The following MESP1 variants were observed in gnomAD, a reference collection of about 807,000 sequenced individuals.
MESP1 encodes mesoderm posterior bHLH transcription factor 1.
MESP1 carries 22 observed loss-of-function variants against 15.2 expected under a neutral mutation model. The ratio of observed to expected loss-of-function variants is 1.45; its 90% CI spans 1.04 to 2.07. MESP1 has a LOEUF of 2.07. MESP1 is among the 30% of genes most tolerant of loss of function. The pLI, the probability that MESP1 is intolerant of heterozygous loss-of-function variation, is 0.00. For synonymous variants in MESP1, 216 were observed against 192.6 expected (o/e 1.12, Z -1.01); for missense variants, 484 against 411.9 (o/e 1.17, Z -1.51).
Position 89,751,034 on chromosome 15 carries a change from GGCGCGGGGGTCCCGGAGGGTGCCTGGCC to G in MESP1, c.170_197del (p.Arg57ProfsTer4). On this transcript the variant is annotated frameshift_variant, in exon 1 of 2. Coordinates refer to ENST00000300057, the MANE Select transcript of MESP1 (RefSeq NM_018670.4). LOFTEE classifies it high-confidence loss of function. ...GCGCGCCGCGCCTACCTACGGAGGG[GGCGCGGGGGTCCCGGAGGGTGCCTGGCC>G]GCGCGGGGCTCGCCACGGGGCTGTC... 1 of 1,323,900 alleles carries G rather than the reference GGCGCGGGGGTCCCGGAGGGTGCCTGGCC, an allele frequency of 7.6e-7. No homozygotes were observed. The allele number at this position is 1,323,900 out of a possible 1,614,324, so 82.0% of individuals were successfully genotyped here. A position where few individuals can be genotyped will look rare whatever the true frequency, so the allele number is the denominator to read the frequency against.
chr15:89,750,896 G>T lies in MESP1; in HGVS notation c.336C>A (p.Ser112=). The change falls in exon 1 of 2, where the codon TCC becomes TCA. Residue 112 remains serine (S), a synonymous_variant. Transcript: ENST00000300057. ...LHELRRFLPP[S]VAPAGQSLTK... ...TCAGGCTCTGGCCCGCGGGCGCCAC[G>T]GACGGCGGTAGAAAGCGGCGCAGCT... is the stretch of plus-strand genomic sequence containing the variant. 10 of 1,494,002 alleles carry T rather than the reference G, an allele frequency of 6.7e-6. No individual in the cohort carries two copies. The highest frequency in any genetic ancestry group is 8.9e-6 in the Non-Finnish European group (10 of 1,127,940). 92.5% of individuals were successfully genotyped at this position (1,494,002 alleles called of 1,614,324 possible).
the MESP1 span, chr15:89,743,774 C>T: frequency 4.8e-6 from 1 of 209,760 alleles, no homozygotes; most frequent in Non-Finnish European, 9.7e-6. Flanking sequence ...AGCCACTGTC[C>T]TCAGATGAGC....
At chr15:89,733,614 G>A in the MESP1 span, among the ~76,000 whole-genome samples, 487 of 152,100 alleles carry the variant, frequency 3.2e-3, 2 homozygotes, top group African/African-American at 0.011. Flanking sequence ...TGGAAATAGT[G>A]GCTTTATAAG....
chr15:89,737,089 C>T, the MESP1 span, among the ~76,000 whole-genome samples: 2 of 152,278 alleles, frequency 1.3e-5, no homozygotes, highest in Middle Eastern at 3.4e-3. Context: ...TCGCGCCCGG[C>T]CAAAGGGGAC....
chr15:89,740,857 T>C, the MESP1 span, among the ~76,000 whole-genome samples: 3 of 150,812 alleles, frequency 2.0e-5, no homozygotes, highest in African/African-American at 7.3e-5. Flanking sequence ...AGTGTTAAAT[T>C]GGCCGGGCGC....
chr15:89,743,314 C>T, the MESP1 span: 1 of 1,614,156 alleles, frequency 6.2e-7, no homozygotes. Context: ...GGAGAAGAAC[C>T]CAGAGAAGGA....
At chr15:89,734,028 T>C in the MESP1 span, among the ~76,000 whole-genome samples, 1 of 151,962 alleles carries the variant, frequency 6.6e-6, no homozygotes, top group Non-Finnish European at 1.5e-5. Flanking sequence ...CGCGCATGTG[T>C]GTACGTGTGT....
At chr15:89,733,796 C>T in the MESP1 span, among the ~76,000 whole-genome samples, 1 of 152,066 alleles carries the variant, frequency 6.6e-6, no homozygotes. Flanking sequence ...GAAATAAATT[C>T]CTTTGCTTTA....
chr15:89,743,363 C>G, the MESP1 span: 2 of 1,614,026 alleles, frequency 1.2e-6, no homozygotes. Flanking sequence ...TACTCCTTGT[C>G]GCTCCAGAGA....
chr15:89,740,871 G>A, the MESP1 span, among the ~76,000 whole-genome samples: 1 of 152,126 alleles, frequency 6.6e-6, no homozygotes, highest in Non-Finnish European at 1.5e-5. Context: ...CGGGCGCGGT[G>A]GCTCACACCT....
downstream of MESP1, among the ~76,000 whole-genome samples, chr15:89,746,371 C>T (rs1967954026): frequency 1.4e-5 from 2 of 142,904 alleles, no homozygotes; most frequent in African/African-American, 5.8e-5. Context: ...ACACAGCATC[C>T]ACACCTCCAC....
downstream of MESP1, among the ~76,000 whole-genome samples, chr15:89,747,970 C>T (rs1471214102): frequency 1.3e-5 from 2 of 152,136 alleles, no homozygotes; most frequent in Non-Finnish European, 2.9e-5. Flanking sequence ...TGGGAGATGT[C>T]CCCTGCCTAT....
chr15:89,733,204 G>T, the MESP1 span: 6 of 1,613,776 alleles, frequency 3.7e-6, no homozygotes, highest in Non-Finnish European at 5.1e-6. Context: ...CCCACCATCA[G>T]TGTGCTTGTT....
At chr15:89,744,668 G>A in the MESP1 span, among the ~76,000 whole-genome samples, 1 of 152,244 alleles carries the variant, frequency 6.6e-6, no homozygotes. Context: ...CTTCTCCATA[G>A]CAAATGCTAG....
At chr15:89,749,518 G>A (rs1284228303), downstream of MESP1, 1 of 152,268 alleles carries the variant, frequency 6.6e-6, no homozygotes, top group Non-Finnish European at 1.5e-5. Flanking sequence ...TCATCCTTCT[G>A]TAAAATGGTT....
At chr15:89,732,891 G>C in the MESP1 span, 1 of 926,018 alleles carries the variant, frequency 1.1e-6, no homozygotes, top group East Asian at 2.4e-5. Context: ...CTCATTGCTT[G>C]ATTTTGCCTT....
chr15:89,736,005 T>C, the MESP1 span, among the ~76,000 whole-genome samples: 2 of 151,924 alleles, frequency 1.3e-5, no homozygotes, highest in African/African-American at 4.8e-5. Flanking sequence ...CTGTGGAATG[T>C]GGAGAGGGAG....
the MESP1 span, chr15:89,738,364 C>T: frequency 1.4e-5 from 16 of 1,138,494 alleles, no homozygotes; most frequent in East Asian, 5.0e-5. Context: ...TGGTGGCTCA[C>T]GCCTGTAATC....
chr15:89,735,275 T>G, the MESP1 span, among the ~76,000 whole-genome samples: 2 of 152,200 alleles, frequency 1.3e-5, no homozygotes, highest in Non-Finnish European at 2.9e-5. Context: ...TTTATTTTCA[T>G]TACCATATTA....
Sources: gnomAD v4.1 joint callset for allele counts (sites outside exome capture counted in the v4.1 genomes callset) on GRCh38, gnomAD v4.1.1 for gene constraint, MANE v1.5 for transcripts, NCBI Gene and HGNC (gene_info 2026-07-23, HGNC 2026-07-21) for gene names.